NKAIN2: variants seen among roughly 807,000 people sequenced by gnomAD.
The protein encoded by NKAIN2 is sodium/potassium transporting ATPase interacting 2, also known as sodium/potassium-transporting ATPase subunit beta-1-interacting protein 2.
Under a neutral mutation model 32.6 loss-of-function variants are expected in NKAIN2, and 14 were observed. The observed-to-expected ratio is 0.43, with a 90% CI of 0.28 to 0.67. The LOEUF is 0.67. Among genes scored for constraint, NKAIN2 ranks in the 30% least tolerant of loss-of-function variants. The probability of loss-of-function intolerance (pLI) is 0.17; values close to 1 mark genes in which losing one functional copy is unlikely to be tolerated. For missense variants in NKAIN2, 198 were observed against 258.3 expected (o/e 0.77, Z 1.60); for synonymous variants, 80 against 87.2 (o/e 0.92, Z 0.46).
In NKAIN2 at chr6:124,715,310, A is replaced by T. The variant is rs553484079; in HGVS notation, c.474+56924A>T. On this transcript the variant is annotated intron_variant, in intron 4 of 6. Transcript: ENST00000368417. ...TCCCAAACATGATGCTTGACCACAT[A>T]TTAGGAGAACGGGGTCACATGGGAG... 4.6e-5 allele frequency among the ~76,000 whole-genome samples: 7 copies of T among 152,288 alleles called. No homozygotes were observed. In the East Asian group the frequency reaches 1.4e-3, roughly 29 times the overall value.
intron 1 of NKAIN2, among the ~76,000 whole-genome samples, chr6:123,997,597 C>CTTTTTTTTTTTTT (rs545393601): frequency 3.1e-5 from 3 of 98,258 alleles, no homozygotes; most frequent in Non-Finnish European, 5.8e-5. Context: ...GGAGTTTATT[C>CTTTTTTTTTTTTT]TTTTTTTTTT....
At chr6:124,657,356 A>G (rs748753362) in intron 3 of NKAIN2, among the ~76,000 whole-genome samples, 20 of 152,038 alleles carry the variant, frequency 1.3e-4, no homozygotes, top group Non-Finnish European at 2.6e-4. Context: ...CATTTCCTTT[A>G]GCCGTTCTTT....
intron 1 of NKAIN2, among the ~76,000 whole-genome samples, chr6:124,253,466 G>A (rs959069070): frequency 1.3e-5 from 2 of 152,068 alleles, no homozygotes; most frequent in African/African-American, 4.8e-5. Context: ...AATAGGGATG[G>A]AGTTATATTT....
At chr6:124,736,688 T>C (rs1367453984) in intron 4 of NKAIN2, among the ~76,000 whole-genome samples, 7 of 151,944 alleles carry the variant, frequency 4.6e-5, no homozygotes, top group Non-Finnish European at 8.8e-5. Flanking sequence ...AGCACATCTG[T>C]TTACAGCACA....
intron 3 of NKAIN2, among the ~76,000 whole-genome samples, chr6:124,476,408 T>A (rs1241126712): frequency 3.3e-4 from 3 of 9,008 alleles, no homozygotes; most frequent in Non-Finnish European, 5.2e-4. Context: ...TGTGTGTGTG[T>A]GTGTGTGTGT....
chr6:123,929,872 C>A (rs1021398770), intron 1 of NKAIN2, among the ~76,000 whole-genome samples: 1 of 152,042 alleles, frequency 6.6e-6, no homozygotes, highest in African/African-American at 2.4e-5. Context: ...TTCCAATGAG[C>A]ATTTCCTTTG....
intron 4 of NKAIN2, among the ~76,000 whole-genome samples, chr6:124,770,887 A>G (rs982558673): frequency 1.3e-5 from 2 of 152,168 alleles, no homozygotes; most frequent in Admixed American, 1.3e-4. Flanking sequence ...ATAATACCAA[A>G]AAAAGCCACG....
intron 2 of NKAIN2, among the ~76,000 whole-genome samples, chr6:124,313,840 T>C (rs1423531237): frequency 6.6e-6 from 1 of 152,132 alleles, no homozygotes; most frequent in Non-Finnish European, 1.5e-5. Flanking sequence ...CCTAGCTCGG[T>C]GTCTTTTAAC....
chr6:123,967,766 C>T (rs944450990), intron 1 of NKAIN2, among the ~76,000 whole-genome samples: 1 of 152,140 alleles, frequency 6.6e-6, no homozygotes, highest in Non-Finnish European at 1.5e-5. Context: ...TTGGTTCTTA[C>T]ACTTTCTCCT....
chr6:124,637,742 C>T (rs184013351), intron 3 of NKAIN2, among the ~76,000 whole-genome samples: 1 of 151,962 alleles, frequency 6.6e-6, no homozygotes. Flanking sequence ...CAGTAAAACA[C>T]CGATTTAAAA....
At chr6:124,226,269 T>C (rs1792102167) in intron 1 of NKAIN2, among the ~76,000 whole-genome samples, 1 of 152,076 alleles carries the variant, frequency 6.6e-6, no homozygotes, top group Admixed American at 6.6e-5. Flanking sequence ...CTTGGATATA[T>C]TGATAAGCTG....
chr6:123,889,725 G>A (rs1773906580), intron 1 of NKAIN2, among the ~76,000 whole-genome samples: 1 of 152,200 alleles, frequency 6.6e-6, no homozygotes, highest in South Asian at 2.1e-4. Context: ...TGAGTTTTGA[G>A]TAAGCTTATA....
At chr6:124,769,203 A>G (rs1048088174) in intron 4 of NKAIN2, among the ~76,000 whole-genome samples, 1 of 152,154 alleles carries the variant, frequency 6.6e-6, no homozygotes, top group African/African-American at 2.4e-5. Context: ...TCCTGATCCT[A>G]TAGTTGTCTG....
intron 3 of NKAIN2, among the ~76,000 whole-genome samples, chr6:124,549,055 A>C (rs534073452): frequency 1.2e-4 from 18 of 152,220 alleles, no homozygotes; most frequent in Non-Finnish European, 1.8e-4. Context: ...GGTAGCTAGA[A>C]GGAGAAATGA....
At chr6:123,945,954 T>C (rs1777042561) in intron 1 of NKAIN2, among the ~76,000 whole-genome samples, 1 of 152,216 alleles carries the variant, frequency 6.6e-6, no homozygotes, top group Non-Finnish European at 1.5e-5. Context: ...CATCTGTTTC[T>C]GACACTGTAT....
intron 3 of NKAIN2, among the ~76,000 whole-genome samples, chr6:124,584,096 G>C (rs536215497): frequency 4.6e-5 from 7 of 152,238 alleles, no homozygotes; most frequent in African/African-American, 1.4e-4. Context: ...AAGATTTCTT[G>C]AGTAATACTG....
intron 1 of NKAIN2, among the ~76,000 whole-genome samples, chr6:124,090,507 T>A (rs1784369662): frequency 6.6e-6 from 1 of 152,006 alleles, no homozygotes; most frequent in Non-Finnish European, 1.5e-5. Context: ...GAGAAAATTG[T>A]CCATCTAGAG....
At chr6:124,123,042 TAA>T (rs1245541277) in intron 1 of NKAIN2, among the ~76,000 whole-genome samples, 1 of 152,172 alleles carries the variant, frequency 6.6e-6, no homozygotes, top group Non-Finnish European at 1.5e-5. Flanking sequence ...TCTATTGTGA[TAA>T]GTGTTAGGCA....
At chr6:123,969,276 A>G (rs1389703671) in intron 1 of NKAIN2, among the ~76,000 whole-genome samples, 2 of 152,186 alleles carry the variant, frequency 1.3e-5, no homozygotes, top group East Asian at 3.9e-4. Flanking sequence ...ATGGTATGAA[A>G]TGATGTGAGG....
Sources: allele counts gnomAD v4.1 joint callset (sites outside exome capture counted in the v4.1 genomes callset), GRCh38; gene constraint gnomAD v4.1.1; transcripts MANE v1.5; gene names NCBI Gene and HGNC (gene_info 2026-07-23, HGNC 2026-07-21).